Variants in WWOX observed in about 807,000 individuals in gnomAD.
The protein encoded by WWOX is WW domain-containing oxidoreductase.
Under a neutral mutation model 46.2 loss-of-function variants are expected in WWOX, and 69 were observed. The ratio of observed to expected loss-of-function variants is 1.49; its 90% confidence interval spans 1.23 to 1.82. The LOEUF is 1.82. Ranked by LOEUF, WWOX falls within the 40% of genes most tolerant of loss-of-function variation. The probability of loss-of-function intolerance (pLI) is 0.00; values close to 1 mark genes in which losing one functional copy is unlikely to be tolerated. For missense variants in WWOX, 919 were observed against 542.6 expected, an observed-to-expected ratio of 1.69 and a Z score of -6.89; for synonymous variants, 359 against 202.6, an observed-to-expected ratio of 1.77 and a Z score of -6.56.
chr16:78,434,440 C>T (rs956167542), intron 8 of WWOX, among the ~76,000 whole-genome samples: 1 of 152,146 alleles, frequency 6.6e-6, no homozygotes, highest in Non-Finnish European at 1.5e-5. Flanking sequence ...TTGTTGTGTC[C>T]TTCAGTTTAC....
At chr16:79,024,657 C>G (rs1235808679) in intron 8 of WWOX, among the ~76,000 whole-genome samples, 2 of 152,082 alleles carry the variant, frequency 1.3e-5, no homozygotes, top group Non-Finnish European at 2.9e-5. Flanking sequence ...GGATGGTCTT[C>G]ATCTCCTGAC....
At chr16:79,043,982 A>ACC (rs1240253654) in intron 8 of WWOX, among the ~76,000 whole-genome samples, 4 of 152,202 alleles carry the variant, frequency 2.6e-5, no homozygotes, top group Non-Finnish European at 5.9e-5. Flanking sequence ...GGCCAGGGAC[A>ACC]ATGAAACTCT....
At chr16:78,244,845 C>A (rs2037767727) in intron 5 of WWOX, among the ~76,000 whole-genome samples, 1 of 152,038 alleles carries the variant, frequency 6.6e-6, no homozygotes, top group African/African-American at 2.4e-5. Context: ...TCTGTTTCTT[C>A]TTAAAATTAG....
At chr16:78,537,618 A>G (rs1003777565) in intron 8 of WWOX, among the ~76,000 whole-genome samples, 2 of 152,152 alleles carry the variant, frequency 1.3e-5, no homozygotes, top group African/African-American at 4.8e-5. Flanking sequence ...TCATACAGAT[A>G]GGCTCGAAGA....
At chr16:78,974,837 G>C (rs897983353) in intron 8 of WWOX, among the ~76,000 whole-genome samples, 1 of 152,144 alleles carries the variant, frequency 6.6e-6, no homozygotes, top group East Asian at 1.9e-4. Context: ...GGAAGCAGAG[G>C]CAATTTATTA....
chr16:78,925,109 T>C (rs935631732), intron 8 of WWOX, among the ~76,000 whole-genome samples: 1 of 152,114 alleles, frequency 6.6e-6, no homozygotes, highest in East Asian at 1.9e-4. Flanking sequence ...ATGGGATGAT[T>C]GGTTGAGCCT....
At chr16:78,291,217 C>T (rs2079852232) in intron 5 of WWOX, among the ~76,000 whole-genome samples, 1 of 152,088 alleles carries the variant, frequency 6.6e-6, no homozygotes, top group Admixed American at 6.6e-5. Context: ...CATAAAATAG[C>T]AGATAAAATA....
chr16:78,151,052 T>TTG (rs1243671880), intron 4 of WWOX, among the ~76,000 whole-genome samples: 2 of 151,116 alleles, frequency 1.3e-5, no homozygotes, highest in African/African-American at 4.9e-5. Flanking sequence ...AATTTTTTTT[T>TTG]TTTTTTTAGA....
At chr16:78,481,651 GT>G (rs2084489637) in intron 8 of WWOX, among the ~76,000 whole-genome samples, 1 of 132,472 alleles carries the variant, frequency 7.5e-6, no homozygotes, top group Admixed American at 7.3e-5. Context: ...AAAAAAGAAT[GT>G]TTTCCCAACA....
chr16:78,842,774 C>G (rs1394073100), intron 8 of WWOX, among the ~76,000 whole-genome samples: 1 of 132,604 alleles, frequency 7.5e-6, no homozygotes, highest in Non-Finnish European at 1.8e-5. Flanking sequence ...TTCATTTGAG[C>G]CCAGGAGGCG....
chr16:78,432,345 A>G (rs1373284793), intron 7 of WWOX, 143 bp from the exon 8 acceptor site: 6 of 1,081,724 alleles, frequency 5.5e-6, no homozygotes, highest in Non-Finnish European at 6.8e-6. Flanking sequence ...ACCTCAGGTG[A>G]TCCACTCGTC....
At chr16:78,699,546 C>T (rs937236394) in intron 8 of WWOX, among the ~76,000 whole-genome samples, 2 of 151,924 alleles carry the variant, frequency 1.3e-5, no homozygotes, top group Non-Finnish European at 2.9e-5. Flanking sequence ...CTCAAGAAAC[C>T]GAAAAACGAA....
intron 8 of WWOX, among the ~76,000 whole-genome samples, chr16:78,452,275 C>T (rs1416629853): frequency 2.0e-5 from 3 of 152,090 alleles, no homozygotes; most frequent in East Asian, 3.9e-4. Flanking sequence ...TGAGAACCAT[C>T]CTGTCTTCAG....
chr16:78,366,586 G>A (rs1257441727), intron 5 of WWOX, among the ~76,000 whole-genome samples: 2 of 152,168 alleles, frequency 1.3e-5, no homozygotes, highest in Non-Finnish European at 2.9e-5. Context: ...TTCCTGCCCA[G>A]CACCTGGCTT....
rs549225402 is a variant in WWOX at position 78,685,958 on chromosome 16, C to T, written c.1056+253206C>T. ...GGGAGGGAGGAGAGACATGGACCCA[C>T]GGGGAATGGGAAGAGAAATAGAAAT... On this transcript the variant is annotated intron_variant, in intron 8 of 8. Transcript: ENST00000566780. Among the ~76,000 whole-genome samples the T allele has an allele frequency of 1.0e-4, 15 of 149,390 alleles. No homozygotes were observed. In the South Asian group the frequency reaches 2.4e-3, roughly 23 times the overall value.
At chr16:78,289,455 C>G (rs779327170) in intron 5 of WWOX, among the ~76,000 whole-genome samples, 1 of 152,046 alleles carries the variant, frequency 6.6e-6, no homozygotes, top group African/African-American at 2.4e-5. Context: ...TATTAGGCTG[C>G]AGGGTAGTGG....
At chr16:78,899,358 G>T (rs192157004) in intron 8 of WWOX, 4 of 152,158 alleles carry the variant, frequency 2.6e-5, no homozygotes, top group Non-Finnish European at 5.9e-5. Flanking sequence ...AAAAGGATTT[G>T]TTCCGGAAAC....
At chr16:78,820,132 C>T (rs2151142645) in intron 8 of WWOX, among the ~76,000 whole-genome samples, 1 of 152,216 alleles carries the variant, frequency 6.6e-6, no homozygotes, top group South Asian at 2.1e-4. Context: ...AGTAGGCTCT[C>T]AGGATGCACA....
In WWOX at chr16:78,685,370, G is replaced by C. The variant is rs557352990; in HGVS notation, c.1056+252618G>C. 2.6e-5 allele frequency among the ~76,000 whole-genome samples: 4 copies of C among 152,218 alleles called. No homozygotes were observed. In the East Asian group the frequency reaches 7.7e-4, roughly 29 times the overall value. Reference sequence around the variant, plus strand: ...TTTTTTTGTATGTGTCTAATATTCAGAGTCTGACACAATAAGGCCATAAAG... The same window carrying C: ...TTTTTTTGTATGTGTCTAATATTCACAGTCTGACACAATAAGGCCATAAAG... On this transcript the variant is annotated intron_variant, in intron 8 of 8. Transcript: ENST00000566780.
Sources: gnomAD v4.1 joint callset for allele counts (sites outside exome capture counted in the v4.1 genomes callset) on GRCh38, gnomAD v4.1.1 for gene constraint, MANE v1.5 for transcripts, NCBI Gene and HGNC (gene_info 2026-07-23, HGNC 2026-07-21) for gene names.